SPOCK3: variants seen among roughly 807,000 people sequenced by gnomAD.
SPOCK3 encodes the protein testican-3.
A neutral mutation model predicts 56.6 loss-of-function variants in SPOCK3; 30 were observed. That is an observed-to-expected ratio of 0.53 (90% CI 0.40 to 0.72). SPOCK3 has a LOEUF of 0.72. Among genes scored for constraint, SPOCK3 ranks in the 30% least tolerant of loss-of-function variants. The probability of loss-of-function intolerance (pLI) is 0.00; values close to 1 mark genes in which losing one functional copy is unlikely to be tolerated. For missense variants in SPOCK3, 527 were observed against 530.0 expected (o/e 0.99, Z 0.06); for synonymous variants, 196 against 183.3 (o/e 1.07, Z -0.56).
chr4:167,039,477 A>T (rs1056431908), intron 3 of SPOCK3, among the ~76,000 whole-genome samples: 2 of 152,112 alleles, frequency 1.3e-5, no homozygotes, highest in African/African-American at 4.8e-5. Context: ...TAGAATTAAC[A>T]ACTAGCACAT....
chr4:166,746,802 A>G (rs1429392385), intron 8 of SPOCK3, among the ~76,000 whole-genome samples: 2 of 152,170 alleles, frequency 1.3e-5, no homozygotes, highest in African/African-American at 2.4e-5. Context: ...TAAAGGAGAT[A>G]TCACCACCGA....
chr4:166,772,377 T>C (rs1265302306), intron 7 of SPOCK3, among the ~76,000 whole-genome samples: 1 of 152,146 alleles, frequency 6.6e-6, no homozygotes, highest in Non-Finnish European at 1.5e-5. Context: ...TGTGTCTGAA[T>C]TGCAATGTGA....
intron 2 of SPOCK3, among the ~76,000 whole-genome samples, chr4:167,116,006 G>C (rs1328818120): frequency 6.6e-6 from 1 of 151,816 alleles, no homozygotes; most frequent in African/African-American, 2.4e-5. Context: ...ACAGAGAAAA[G>C]CACTAAAATT....
chr4:166,985,575 A>G (rs1026715627), intron 4 of SPOCK3, among the ~76,000 whole-genome samples: 5 of 152,168 alleles, frequency 3.3e-5, no homozygotes, highest in African/African-American at 9.7e-5. Context: ...AAGTATCACA[A>G]TAATAATCCT....
chr4:167,067,949 CTGTTTAAAA>C (rs201596945), intron 2 of SPOCK3, among the ~76,000 whole-genome samples: 3,900 of 151,812 alleles, frequency 0.026, 79 homozygotes, highest in Middle Eastern at 0.061. Flanking sequence ...TAATGTATCA[CTGTTTAAAA>C]TGTTTAAAAT....
intron 6 of SPOCK3, among the ~76,000 whole-genome samples, chr4:166,804,694 C>T (rs1742969709): frequency 6.6e-6 from 1 of 152,110 alleles, no homozygotes; most frequent in African/African-American, 2.4e-5. Flanking sequence ...ATCACTCATA[C>T]TTGCCTATTG....
At chr4:167,222,520 A>G (rs1736036600) in intron 2 of SPOCK3, among the ~76,000 whole-genome samples, 1 of 145,768 alleles carries the variant, frequency 6.9e-6, no homozygotes, top group South Asian at 2.1e-4. Context: ...TATAATATAT[A>G]ACATGTATGT....
chr4:166,754,754 T>G (rs1427919751), intron 7 of SPOCK3, 25 bp from the exon 8 acceptor site: 3 of 1,611,306 alleles, frequency 1.9e-6, no homozygotes, highest in Non-Finnish European at 2.5e-6. Flanking sequence ...AAGAAAATGA[T>G]TAGTTAAATA....
intron 2 of SPOCK3, among the ~76,000 whole-genome samples, chr4:167,209,855 G>A (rs1448003659): frequency 1.3e-5 from 2 of 152,034 alleles, no homozygotes; most frequent in Non-Finnish European, 2.9e-5. Context: ...TAGACATCAT[G>A]GGAAAAAAAG....
At chr4:166,788,534 A>T (rs1018985695) in intron 7 of SPOCK3, among the ~76,000 whole-genome samples, 1 of 151,860 alleles carries the variant, frequency 6.6e-6, no homozygotes. Context: ...TTCTTGCCAC[A>T]TTAAAATGAT....
At chr4:167,114,602 A>C (rs1393218144) in intron 2 of SPOCK3, among the ~76,000 whole-genome samples, 1 of 152,212 alleles carries the variant, frequency 6.6e-6, no homozygotes, top group Non-Finnish European at 1.5e-5. Flanking sequence ...AATTTTCAGC[A>C]GTCACAGAGT....
chr4:166,868,302 GAA>G (rs70955700), intron 6 of SPOCK3, among the ~76,000 whole-genome samples: 8 of 147,016 alleles, frequency 5.4e-5, no homozygotes, highest in East Asian at 2.0e-4. Context: ...GAAAAGAAAA[GAA>G]AAAAAAAAAC....
intron 4 of SPOCK3, among the ~76,000 whole-genome samples, chr4:166,923,451 G>A (rs1480088924): frequency 6.6e-6 from 1 of 152,192 alleles, no homozygotes; most frequent in Non-Finnish European, 1.5e-5. Flanking sequence ...ACTCAGAAAA[G>A]AGAGATTCTA....
intron 5 of SPOCK3, among the ~76,000 whole-genome samples, chr4:166,892,729 C>G (rs575561457): frequency 6.6e-6 from 1 of 151,912 alleles, no homozygotes; most frequent in East Asian, 1.9e-4. Context: ...TCTAAGACCC[C>G]GAGTATTGAG....
chr4:167,034,105 G>C (rs1204775821), intron 3 of SPOCK3, among the ~76,000 whole-genome samples: 2 of 151,848 alleles, frequency 1.3e-5, no homozygotes. Context: ...CTGACTATTG[G>C]AATTAAAAGA....
rs56893441 is a variant in SPOCK3, at chr4:167,112,842, C to CTT, written c.190-50307_190-50306dup. 6.4e-4 allele frequency among the ~76,000 whole-genome samples: 90 copies of CTT among 140,974 alleles called. 2 individuals carry two copies. The Middle Eastern group carries it at 0.015, about 24-fold the overall frequency. The allele number at this position is 140,974 out of a possible 152,430, so 92.5% of individuals were successfully genotyped here. The stretch of plus-strand genomic sequence containing the variant: ...TCCAAGGACTCTGTTCAAAAGTGCT[C>CTT]TTTTTTAAAAAAAAAAATCATATAT... On this transcript the variant is annotated intron_variant, in intron 2 of 10. Coordinates refer to ENST00000357545, the MANE Select transcript of SPOCK3 (RefSeq NM_001040159.2).
chr4:166,846,062 C>T (rs1270548223), intron 6 of SPOCK3, among the ~76,000 whole-genome samples: 1 of 152,066 alleles, frequency 6.6e-6, no homozygotes, highest in Non-Finnish European at 1.5e-5. Flanking sequence ...AAAGGTAATG[C>T]TTTGAGCTAA....
chr4:167,174,906 T>G (rs1730847289), intron 2 of SPOCK3, among the ~76,000 whole-genome samples: 1 of 152,128 alleles, frequency 6.6e-6, no homozygotes, highest in Non-Finnish European at 1.5e-5. Context: ...ATATACATTC[T>G]CAAAGGAGTC....
intron 2 of SPOCK3, among the ~76,000 whole-genome samples, chr4:167,171,641 G>A (rs1031096909): frequency 6.6e-6 from 1 of 151,934 alleles, no homozygotes; most frequent in Non-Finnish European, 1.5e-5. Context: ...AGAAAATTAC[G>A]AGGCAGGTGA....
Sources: allele counts gnomAD v4.1 joint callset (sites outside exome capture counted in the v4.1 genomes callset), GRCh38; gene constraint gnomAD v4.1.1; transcripts MANE v1.5; gene names NCBI Gene and HGNC (gene_info 2026-07-23, HGNC 2026-07-21).